NCK2: variants seen among roughly 807,000 people sequenced by gnomAD.
NCK2 encodes NCK adaptor protein 2, also known as cytoplasmic protein NCK2.
NCK2 carries 16 observed loss-of-function variants against 33.9 expected under a neutral mutation model. The observed-to-expected ratio is 0.47, with a 90% CI of 0.32 to 0.72. The LOEUF is 0.72. Among genes scored for constraint, NCK2 ranks in the 30% least tolerant of loss-of-function variants. NCK2 has a pLI of 0.03. For missense variants in NCK2, 418 were observed against 537.3 expected, an observed-to-expected ratio of 0.78 and a Z score of 2.19; for synonymous variants, 273 against 239.9, an observed-to-expected ratio of 1.14 and a Z score of -1.27.
chr2:105,887,053 G>A (rs1467463606), intron 4 of NCK2, among the ~76,000 whole-genome samples: 1 of 152,196 alleles, frequency 6.6e-6, no homozygotes, highest in Non-Finnish European at 1.5e-5. Context: ...GCAAGGAAGA[G>A]ATAATCTGAT....
intron 1 of NCK2, among the ~76,000 whole-genome samples, chr2:105,765,806 T>C (rs1689919816): frequency 6.6e-6 from 1 of 151,200 alleles, no homozygotes; most frequent in Admixed American, 6.6e-5. Context: ...TGTGTGTGTG[T>C]GTGTGTGTGT....
chr2:105,767,328 T>A (rs1209783814), intron 1 of NCK2, among the ~76,000 whole-genome samples: 1 of 152,232 alleles, frequency 6.6e-6, no homozygotes, highest in Non-Finnish European at 1.5e-5. Flanking sequence ...TAACAGGAAG[T>A]TCACCTGCAA....
chr2:105,744,551 C>T (rs1689191498), upstream of NCK2, among the ~76,000 whole-genome samples: 1 of 152,112 alleles, frequency 6.6e-6, no homozygotes, highest in Non-Finnish European at 1.5e-5. Context: ...CACTCTCCTC[C>T]CCACCCACCT....
At chr2:105,853,341 A>G (rs1290275844) in intron 2 of NCK2, among the ~76,000 whole-genome samples, 1 of 152,184 alleles carries the variant, frequency 6.6e-6, no homozygotes, top group Non-Finnish European at 1.5e-5. Flanking sequence ...TCCAAAATTG[A>G]CTTTACTGGA....
chr2:105,800,376 C>T (rs1674782652), intron 1 of NCK2, among the ~76,000 whole-genome samples: 1 of 152,200 alleles, frequency 6.6e-6, no homozygotes, highest in African/African-American at 2.4e-5. Flanking sequence ...CTAGTCTGGT[C>T]TGTGGTACCC....
At chr2:105,832,385 C>T (rs1676231007) in intron 2 of NCK2, among the ~76,000 whole-genome samples, 1 of 152,114 alleles carries the variant, frequency 6.6e-6, no homozygotes, top group African/African-American at 2.4e-5. Flanking sequence ...AAGGAATAGG[C>T]ATTCTTATAT....
intron 3 of NCK2, among the ~76,000 whole-genome samples, chr2:105,880,602 G>T (rs990364773): frequency 6.6e-6 from 1 of 152,180 alleles, no homozygotes; most frequent in Non-Finnish European, 1.5e-5. Flanking sequence ...TGGTCTTAGA[G>T]TTCTAACGGG....
chr2:105,849,877 C>T (rs1355615973), intron 2 of NCK2, among the ~76,000 whole-genome samples: 1 of 152,146 alleles, frequency 6.6e-6, no homozygotes. Flanking sequence ...ACTGTAGTTG[C>T]CATTCTTAAG....
intron 1 of NCK2, among the ~76,000 whole-genome samples, chr2:105,793,533 A>G (rs751691726): frequency 6.6e-6 from 1 of 152,242 alleles, no homozygotes; most frequent in African/African-American, 2.4e-5. Flanking sequence ...GCACTGGCTA[A>G]CAAGTTTATT....
intron 2 of NCK2, among the ~76,000 whole-genome samples, chr2:105,818,511 A>C (rs1675593327): frequency 6.6e-6 from 1 of 152,120 alleles, no homozygotes. Flanking sequence ...TATAAGAAAT[A>C]TATATTTCCA....
At chr2:105,811,593 G>C (rs1010253620) in intron 1 of NCK2, among the ~76,000 whole-genome samples, 1 of 152,198 alleles carries the variant, frequency 6.6e-6, no homozygotes, top group Non-Finnish European at 1.5e-5. Flanking sequence ...TTGTCTCGTG[G>C]AACAGGTGTG....
intron 1 of NCK2, among the ~76,000 whole-genome samples, chr2:105,797,671 G>A (rs1291359923): frequency 2.6e-5 from 4 of 152,172 alleles, no homozygotes. Flanking sequence ...GATTTGCAGC[G>A]ACTGTGTGGA....
chr2:105,865,024 G>A (rs557885824), intron 3 of NCK2, among the ~76,000 whole-genome samples: 1 of 152,252 alleles, frequency 6.6e-6, no homozygotes, highest in East Asian at 1.9e-4. Context: ...AGGCCTCTTG[G>A]TAGCTGGTGT....
chr2:105,816,770 C>T (rs975716229), intron 2 of NCK2, among the ~76,000 whole-genome samples, 157 bp downstream of exon 2: 6 of 152,136 alleles, frequency 3.9e-5, no homozygotes, highest in Admixed American at 6.5e-5. Flanking sequence ...ATTAGATTAT[C>T]TCTGTTCCTG....
At chr2:105,802,008 G>A (rs1674860364) in intron 1 of NCK2, among the ~76,000 whole-genome samples, 1 of 152,180 alleles carries the variant, frequency 6.6e-6, no homozygotes, top group African/African-American at 2.4e-5. Context: ...TCACCTGCTG[G>A]TTCAGTGCTC....
chr2:105,835,019 G>C (rs1160728393), intron 2 of NCK2, among the ~76,000 whole-genome samples: 1 of 152,028 alleles, frequency 6.6e-6, no homozygotes, highest in African/African-American at 2.4e-5. Flanking sequence ...GCAAACTCTT[G>C]TAACTATGTT....
intron 1 of NCK2, among the ~76,000 whole-genome samples, chr2:105,758,136 C>T (rs986244711): frequency 5.3e-5 from 8 of 152,042 alleles, no homozygotes; most frequent in African/African-American, 1.2e-4. Context: ...AACTACTTGG[C>T]GCTTTGAGTG....
intron 3 of NCK2, among the ~76,000 whole-genome samples, chr2:105,868,274 T>C (rs1677840205): frequency 6.6e-6 from 1 of 152,226 alleles, no homozygotes; most frequent in Admixed American, 6.5e-5. Context: ...TGGGTTTTTC[T>C]TTATAACTTC....
At chr2:105,808,053 C>T (rs1183826177) in intron 1 of NCK2, among the ~76,000 whole-genome samples, 1 of 152,000 alleles carries the variant, frequency 6.6e-6, no homozygotes, top group African/African-American at 2.4e-5. Flanking sequence ...CAGGTGTGTA[C>T]CGCTATGCCC....
Sources: gnomAD v4.1 joint callset for allele counts (sites outside exome capture counted in the v4.1 genomes callset) on GRCh38, gnomAD v4.1.1 for gene constraint, MANE v1.5 for transcripts, NCBI Gene and HGNC (gene_info 2026-07-23, HGNC 2026-07-21) for gene names.